NALCN: variants seen among roughly 807,000 people sequenced by gnomAD.
NALCN encodes the protein sodium leak channel NALCN.
In NALCN, 111 loss-of-function variants were observed where a neutral mutation model predicts 225.3. The observed-to-expected ratio is 0.49, with a 90% CI of 0.42 to 0.58. The LOEUF (loss-of-function observed/expected upper bound fraction) is 0.58. NALCN is among the 20% of genes least tolerant of loss of function. The pLI is 0.00. For synonymous variants in NALCN, 764 were observed against 769.0 expected, an observed-to-expected ratio of 0.99 and a Z score of 0.11; for missense variants, 1,378 against 2,202.4, an observed-to-expected ratio of 0.63 and a Z score of 7.49.
At chr13:101,351,054 C>A (rs1406564604) in intron 6 of NALCN, among the ~76,000 whole-genome samples, 1 of 151,984 alleles carries the variant, frequency 6.6e-6, no homozygotes, top group Non-Finnish European at 1.5e-5. Flanking sequence ...ATATTCTATT[C>A]TATATTCTCT....
rs1219256894 is a variant in NALCN, at chr13:101,059,870, T to G, written c.4853A>C (p.Gln1618Pro). 1 of 1,613,990 alleles carries G rather than the reference T, an allele frequency of 6.2e-7. No homozygotes were observed. Among genetic ancestry groups the G allele is most frequent in the Non-Finnish European group, 8.5e-7 (1 of 1,180,036 alleles). Residue 1618 changes from glutamine to proline, a missense_variant, in exon 42 of 44, where the codon CAG becomes CCG. Physicochemically the swap from Gln to Pro is moderately conservative, Grantham distance 76. Transcript: ENST00000251127. Reference sequence around the variant, plus strand: ...GTTGGCATTCGTGTCCTCACTGGGCTGGGTGGTCTCGATGCTGGGCGGGTT... The same window carrying G: ...GTTGGCATTCGTGTCCTCACTGGGCGGGGTGGTCTCGATGCTGGGCGGGTT... ...FLNPPSIETTQPSEDTNANSQ... is the reference protein window; with the variant it reads ...FLNPPSIETTPPSEDTNANSQ...
At chr13:101,255,861 C>A (rs1197366169) in intron 11 of NALCN, among the ~76,000 whole-genome samples, 1 of 152,174 alleles carries the variant, frequency 6.6e-6, no homozygotes, top group Non-Finnish European at 1.5e-5. Context: ...GGTGCCCATC[C>A]ATTACTCCTT....
chr13:101,376,968 C>T lies in NALCN; in HGVS notation c.464G>A (p.Arg155Gln), dbSNP rs2139421065. The change falls in exon 5 of 44, where the codon CGG becomes CAG. Residue 155 changes from arginine (R) to glutamine (Q), a missense_variant. By Grantham distance (43) the Arg-to-Gln change is conservative. This residue lies in a region of NALCN where 146 missense variants were observed against 205.9 expected (regional missense o/e 0.71). Coordinates refer to ENST00000251127, the MANE Select transcript of NALCN (RefSeq NM_052867.4). ...TGGCAGTTCAAATCGGAAATAAATCCGGAATGCTCGGATCATAATCAGTGG... is the reference window on the plus strand; with the variant it reads ...TGGCAGTTCAAATCGGAAATAAATCTGGAATGCTCGGATCATAATCAGTGG... ...PRPLIMIRAF[R>Q]IYFRFELPRT... 1 of 1,614,112 alleles carries T rather than the reference C, an allele frequency of 6.2e-7. No individual in the cohort carries two copies.
intron 18 of NALCN, among the ~76,000 whole-genome samples, chr13:101,123,506 G>A (rs2036080803): frequency 6.6e-6 from 1 of 152,154 alleles, no homozygotes; most frequent in South Asian, 2.1e-4. Context: ...TCGGGAGTAA[G>A]CCTAAGTTGG....
At chr13:101,224,509 C>T (rs1180877172) in intron 13 of NALCN, among the ~76,000 whole-genome samples, 1 of 152,146 alleles carries the variant, frequency 6.6e-6, no homozygotes, top group African/African-American at 2.4e-5. Flanking sequence ...GCTCTATAAA[C>T]CTTACACAAT....
intron 7 of NALCN, among the ~76,000 whole-genome samples, chr13:101,329,515 C>T (rs1204390871): frequency 1.3e-5 from 2 of 152,026 alleles, no homozygotes; most frequent in African/African-American, 4.8e-5. Context: ...TCCCAGGCTG[C>T]ACAGAGGTTG....
intron 43 of NALCN, 71 bp from the exon 44 acceptor site, chr13:101,055,559 A>G (rs1402723049): frequency 1.2e-5 from 16 of 1,335,782 alleles, no homozygotes; most frequent in Non-Finnish European, 1.6e-5. Context: ...CTAAAAACCC[A>G]TGATATTCCC....
chr13:101,103,870 T>A, intron 25 of NALCN, among the ~76,000 whole-genome samples: 1 of 152,180 alleles, frequency 6.6e-6, no homozygotes, highest in East Asian at 1.9e-4. Context: ...TTTTATGCAA[T>A]GGAATCAGGA....
chr13:101,122,369 G>A (rs2036020499), intron 18 of NALCN, among the ~76,000 whole-genome samples: 1 of 152,028 alleles, frequency 6.6e-6, no homozygotes. Flanking sequence ...TATAGCTCAG[G>A]TAGTTTTAAG....
intron 38 of NALCN, among the ~76,000 whole-genome samples, chr13:101,068,270 T>C (rs1026684111): frequency 1.1e-4 from 17 of 152,186 alleles, no homozygotes; most frequent in Non-Finnish European, 2.9e-5. Flanking sequence ...ATTCTGTGTA[T>C]AGAGATAGTC....
chr13:101,088,300 G>A (rs2034031581), intron 30 of NALCN, among the ~76,000 whole-genome samples: 1 of 152,150 alleles, frequency 6.6e-6, no homozygotes, highest in Non-Finnish European at 1.5e-5. Flanking sequence ...TGAGGACAGT[G>A]AATGACAGAT....
intron 6 of NALCN, among the ~76,000 whole-genome samples, chr13:101,360,405 GT>G: frequency 6.6e-6 from 1 of 152,016 alleles, no homozygotes; most frequent in South Asian, 2.1e-4. Context: ...GCTATTTCTT[GT>G]ATTTTCAGTA....
intron 7 of NALCN, among the ~76,000 whole-genome samples, chr13:101,311,868 G>A (rs1233027313): frequency 7.2e-5 from 11 of 151,972 alleles, no homozygotes; most frequent in African/African-American, 2.2e-4. Context: ...GATGATGCTG[G>A]CCTCATAAAA....
chr13:101,101,039 C>T (rs1194238749), intron 26 of NALCN, 151 bp from the exon 27 acceptor site: 1 of 513,800 alleles, frequency 1.9e-6, no homozygotes, highest in Non-Finnish European at 3.2e-6. Flanking sequence ...CCATAGGTCA[C>T]ACAATTAGCC....
At chr13:101,257,209 G>GTTTTTTTT (rs34334262) in intron 11 of NALCN, among the ~76,000 whole-genome samples, 37 of 121,104 alleles carry the variant, frequency 3.1e-4, no homozygotes, top group East Asian at 4.9e-4. Context: ...ATTGTTTATT[G>GTTTTTTTT]TTTTTTTTTT....
chr13:101,325,756 G>A (rs1221312847), intron 7 of NALCN, among the ~76,000 whole-genome samples: 1 of 152,132 alleles, frequency 6.6e-6, no homozygotes, highest in Non-Finnish European at 1.5e-5. Flanking sequence ...GGTGTGTGTG[G>A]CTAGGAGACA....
At chr13:101,293,719 C>T (rs974488731) in intron 7 of NALCN, among the ~76,000 whole-genome samples, 1 of 152,060 alleles carries the variant, frequency 6.6e-6, no homozygotes, top group Admixed American at 6.6e-5. Flanking sequence ...GAACAGAAGG[C>T]AAGTCCAGCC....
At chr13:101,250,652 G>A (rs1238688563) in intron 11 of NALCN, among the ~76,000 whole-genome samples, 3 of 151,928 alleles carry the variant, frequency 2.0e-5, no homozygotes, top group East Asian at 1.9e-4. Flanking sequence ...TTTACTATAA[G>A]AGAATGTCTT....
chr13:101,353,327 G>A (rs1014763078), intron 6 of NALCN, among the ~76,000 whole-genome samples: 1 of 152,162 alleles, frequency 6.6e-6, no homozygotes, highest in Non-Finnish European at 1.5e-5. Flanking sequence ...GTCATTGCAT[G>A]TACTTACAGA....
Sources: gnomAD v4.1 joint callset for allele counts (sites outside exome capture counted in the v4.1 genomes callset) on GRCh38, gnomAD v4.1.1 for gene constraint, gnomAD v4.1.1 regional missense constraint, MANE v1.5 for transcripts, NCBI Gene and HGNC (gene_info 2026-07-23, HGNC 2026-07-21) for gene names.